Variants in ADGRV1 observed in about 807,000 individuals in gnomAD.
ADGRV1 encodes the protein G-protein coupled receptor 98.
Under a neutral mutation model 596.2 loss-of-function variants are expected in ADGRV1, and 359 were observed. The observed-to-expected ratio is 0.60, with a 90% CI of 0.55 to 0.66. The LOEUF is 0.66. Ranked by LOEUF, ADGRV1 falls within the 30% of genes least tolerant of loss-of-function variation. The pLI is 0.00. For synonymous variants in ADGRV1, 2,681 were observed against 2,679.2 expected (o/e 1.00, Z -0.02); for missense variants, 7,274 against 7,575.6 (o/e 0.96, Z 1.48).
At chr5:90,749,543 C>A (rs137896271) in intron 52 of ADGRV1, among the ~76,000 whole-genome samples, 3 of 152,118 alleles carry the variant, frequency 2.0e-5, no homozygotes, top group African/African-American at 7.2e-5. Context: ...AGGATAGGAT[C>A]GCTACTCAAA....
intron 7 of ADGRV1, 139 bp downstream of exon 7, chr5:90,627,915 A>ACGAC (rs1764989847): frequency 3.1e-6 from 1 of 317,472 alleles, no homozygotes; most frequent in African/African-American, 4.0e-5. Flanking sequence ...AAACTCAGAA[A>ACGAC]AGACACACAC....
intron 45 of ADGRV1, among the ~76,000 whole-genome samples, chr5:90,722,297 A>T (rs1388522599): frequency 6.6e-6 from 1 of 152,166 alleles, no homozygotes; most frequent in Non-Finnish European, 1.5e-5. Flanking sequence ...CATGCTATTC[A>T]TTAAGATGGA....
chr5:90,999,850 A>G (rs1364898127), intron 85 of ADGRV1, among the ~76,000 whole-genome samples: 1 of 152,146 alleles, frequency 6.6e-6, no homozygotes, highest in East Asian at 1.9e-4. Flanking sequence ...AAATGTAAGC[A>G]TCTTGTCAAA....
intron 71 of ADGRV1, among the ~76,000 whole-genome samples, chr5:90,803,392 C>T (rs1234170787): frequency 6.6e-6 from 1 of 152,172 alleles, no homozygotes; most frequent in Non-Finnish European, 1.5e-5. Context: ...AACTTGAGGG[C>T]TTTCCTTTCC....
rs1303930496 is a variant in ADGRV1 at position 90,653,952 on chromosome 5, G to A, written c.4378G>A (p.Gly1460Ser). ...TCTGAAAGGAGAAGCCATTACTGAC[G>A]GTGAGGGTCATCATCACAACTAGGA... Reference protein sequence around the residue: ...KSLKGEAITDGPGILRIGAGI... With the variant: ...KSLKGEAITDSPGILRIGAGI... Residue 1460 changes from glycine (G) to serine (S), a missense_variant and splice_region_variant, in exon 20 of 90, where the codon GGT becomes AGT. Around this residue, in one of 5 missense-constraint regions of ADGRV1, gnomAD observed 38 missense variants for 66.7 expected, o/e 0.57. Coordinates refer to ENST00000405460, the MANE Select transcript of ADGRV1 (RefSeq NM_032119.4). 14 of 1,554,018 alleles carry A rather than the reference G, an allele frequency of 9.0e-6. No individual in the cohort carries two copies. The highest frequency in any genetic ancestry group is 2.7e-5 in the African/African-American group (2 of 73,236).
At position 91,035,861 on chromosome 5, in the gene ADGRV1, T is replaced by TAATATATATATATATATATATATA; in HGVS notation, c.18153-36586_18153-36585insAATATATATATATATATATATATA. ...ATGAGTGTGTATATATATATATATA[T>TAATATATATATATATATATATATA]TATATATATATATATATATATCTTA... On this transcript the variant is annotated intron_variant, in intron 85 of 89. Coordinates refer to ENST00000405460, the MANE Select transcript of ADGRV1 (RefSeq NM_032119.4). Among the ~76,000 whole-genome samples, 230 of 96,348 alleles carry TAATATATATATATATATATATATA rather than the reference T, an allele frequency of 2.4e-3. 6 individuals carry two copies. The highest frequency in any genetic ancestry group is 3.8e-3 in the Non-Finnish European group (175 of 46,038). 63.2% of individuals were successfully genotyped at this position (96,348 alleles called of 152,430 possible).
In ADGRV1 at chr5:90,774,241, A is replaced by T. The variant is rs570675141; in HGVS notation, c.12341A>T (p.Glu4114Val). ...LHTLQDTVLE[E>V]DRRFTIQLIS... ...ACACTTCAAGACACAGTGTTGGAGG[A>T]GGACAGGCGTTTCACCATTCAGCTG... The change falls in exon 60 of 90, where the codon GAG becomes GTG. Residue 4114 changes from glutamate (E) to valine (V), a missense_variant. By Grantham distance (121) the Glu-to-Val change is moderately radical. Coordinates refer to ENST00000405460, the MANE Select transcript of ADGRV1 (RefSeq NM_032119.4). 1 of 1,611,738 alleles carries T rather than the reference A, an allele frequency of 6.2e-7. No homozygotes were observed. The highest frequency in any genetic ancestry group is 1.7e-5 in the Admixed American group (1 of 59,926).
intron 85 of ADGRV1, 28 bp from the exon 86 acceptor site, chr5:91,072,419 G>A (rs1316995198): frequency 1.3e-6 from 2 of 1,597,844 alleles, no homozygotes; most frequent in Non-Finnish European, 1.7e-6. Flanking sequence ...GAAAGTGTCT[G>A]AGTTACTTCT....
At chr5:91,072,391 T>A in intron 85 of ADGRV1, 56 bp from the exon 86 acceptor site, 1 of 1,410,472 alleles carries the variant, frequency 7.1e-7, no homozygotes, top group Non-Finnish European at 1.0e-6. Flanking sequence ...ACATTCTGCA[T>A]TTAGAAATAT....
intron 82 of ADGRV1, among the ~76,000 whole-genome samples, chr5:90,861,107 G>T (rs983806001): frequency 4.0e-5 from 6 of 151,814 alleles, no homozygotes; most frequent in African/African-American, 1.2e-4. Context: ...TTACCAATTA[G>T]ATGTTCTTTT....
chr5:90,687,893 T>C (rs1745897305), intron 29 of ADGRV1, among the ~76,000 whole-genome samples: 1 of 151,916 alleles, frequency 6.6e-6, no homozygotes, highest in South Asian at 2.1e-4. Flanking sequence ...CTCAACGAAA[T>C]AAAAGAGGAT....
Position 90,778,597 on chromosome 5 carries a change from A to G in ADGRV1, c.12837A>G (p.Ser4279=), listed in dbSNP as rs1291811699. Residue 4279 remains serine (S), a synonymous_variant, in exon 63 of 90, where the codon TCA becomes TCG. Transcript: ENST00000405460. ...TTTCACATGAGCAACTTCGAGTGTC[A>G]GAAGCACAGAGGGTATAGTATGAAA... is the stretch of plus-strand genomic sequence containing the variant. ...FAFSHEQLRV[S]EAQRVNITII... 5 of 1,599,630 alleles carry G rather than the reference A, an allele frequency of 3.1e-6. No homozygotes were observed. The highest frequency in any genetic ancestry group is 2.7e-5 in the African/African-American group (2 of 74,334).
chr5:91,040,684 A>G (rs1224519658), intron 85 of ADGRV1, among the ~76,000 whole-genome samples: 1 of 152,210 alleles, frequency 6.6e-6, no homozygotes, highest in Non-Finnish European at 1.5e-5. Flanking sequence ...AAAGATGATG[A>G]CAACAAGATA....
At chr5:90,654,601 C>T (rs944417820) in intron 20 of ADGRV1, 2 of 152,918 alleles carry the variant, frequency 1.3e-5, no homozygotes, top group Admixed American at 6.5e-5. Flanking sequence ...TTATAGTCAC[C>T]ATTCCCTCTC....
At chr5:90,753,489 A>C (rs1755489997) in intron 53 of ADGRV1, 85 bp from the exon 54 acceptor site, 2 of 983,984 alleles carry the variant, frequency 2.0e-6, no homozygotes, top group Non-Finnish European at 3.0e-6. Flanking sequence ...TATAGGTTTA[A>C]TAAAAGAAAA....
At chr5:90,656,426 A>T (rs772413689) in intron 20 of ADGRV1, among the ~76,000 whole-genome samples, 1 of 152,216 alleles carries the variant, frequency 6.6e-6, no homozygotes, top group Non-Finnish European at 1.5e-5. Flanking sequence ...AGGAGATGTG[A>T]TCATTTCTAT....
At position 90,683,626 on chromosome 5, in the gene ADGRV1, A is replaced by T; in HGVS notation, c.5705A>T (p.His1902Leu). The change falls in exon 28 of 90, where the codon CAT becomes CTT. Residue 1902 changes from histidine to leucine, a missense_variant. By Grantham distance (99) the His-to-Leu change is moderately conservative. This residue lies in a region of ADGRV1 where 3,643 missense variants were observed against 3,809.2 expected (regional missense o/e 0.96). Transcript: ENST00000405460. ...HHGTLSPVTL[H>L]WNIDSDPDGD... ...GGAACTCTGTCTCCAGTGACTTTGCATTGGAACATAGACTCTGATCCTGAT... is the reference window on the plus strand; with the variant it reads ...GGAACTCTGTCTCCAGTGACTTTGCTTTGGAACATAGACTCTGATCCTGAT... The T allele has an allele frequency of 1.2e-6, 2 of 1,607,704 alleles. No individual in the cohort carries two copies. The highest frequency in any genetic ancestry group is 1.3e-5 in the African/African-American group (1 of 74,942).
intron 83 of ADGRV1, among the ~76,000 whole-genome samples, chr5:90,950,528 G>A (rs1776970770): frequency 6.6e-6 from 1 of 152,076 alleles, no homozygotes; most frequent in African/African-American, 2.4e-5. Flanking sequence ...TGCCCTGTTG[G>A]TCAGGCTGGT....
At chr5:90,615,087 ATT>A in intron 2 of ADGRV1, 68 bp downstream of exon 2, 1 of 963,516 alleles carries the variant, frequency 1.0e-6, no homozygotes, top group Non-Finnish European at 1.4e-6. Flanking sequence ...AATGGCAAGG[ATT>A]TTTTTTTTCT....
Sources: allele counts gnomAD v4.1 joint callset (sites outside exome capture counted in the v4.1 genomes callset), GRCh38; gene constraint gnomAD v4.1.1; regional missense constraint gnomAD v4.1.1; transcripts MANE v1.5; gene names NCBI Gene and HGNC (gene_info 2026-07-23, HGNC 2026-07-21).